ADGRG7: variants seen among roughly 807,000 people sequenced by gnomAD.
ADGRG7 encodes G-protein coupled receptor 128.
Under a neutral mutation model 88.6 loss-of-function variants are expected in ADGRG7, and 82 were observed. The observed-to-expected ratio is 0.93, with a 90% CI of 0.77 to 1.11. The LOEUF (loss-of-function observed/expected upper bound fraction) is 1.11. Ranked by LOEUF, ADGRG7 falls within the 50% of genes most tolerant of loss-of-function variation. The pLI is 0.00. For synonymous variants in ADGRG7, 381 were observed against 345.2 expected (o/e 1.10, Z -1.15); for missense variants, 945 against 953.4 (o/e 0.99, Z 0.12).
chr3:100,692,766 T>C lies in ADGRG7; in HGVS notation c.2137-1978T>C, dbSNP rs182043120. ...AAAATCAACACAGTGTTTTGTAAAA[T>C]GGATCTGAATATTGCTTACATCAGA... On this transcript the variant is annotated intron_variant, in intron 15 of 15. Transcript: ENST00000273352. 3.2e-4 allele frequency among the ~76,000 whole-genome samples: 49 copies of C among 152,238 alleles called. 1 individual carries two copies. Among genetic ancestry groups the C allele is most frequent in the Non-Finnish European group, 5.9e-5 (4 of 68,008 alleles).
chr3:100,668,197 C>T (rs2094954141), intron 14 of ADGRG7, among the ~76,000 whole-genome samples: 1 of 152,216 alleles, frequency 6.6e-6, no homozygotes, highest in African/African-American at 2.4e-5. Flanking sequence ...GTCAATCTTG[C>T]TGGGAGCTGC....
chr3:100,676,909 A>C (rs746727043), intron 15 of ADGRG7, among the ~76,000 whole-genome samples: 2 of 152,006 alleles, frequency 1.3e-5, no homozygotes, highest in East Asian at 3.9e-4. Context: ...TTTTCTAAGT[A>C]GAGCTACTTC....
chr3:100,612,002 A>G (rs1707161243), intron 1 of ADGRG7, among the ~76,000 whole-genome samples: 1 of 152,164 alleles, frequency 6.6e-6, no homozygotes. Flanking sequence ...GGTCACACAT[A>G]TCTCTGAGAA....
chr3:100,645,872 A>T, intron 8 of ADGRG7, 73 bp from the exon 9 acceptor site: 1 of 1,370,676 alleles, frequency 7.3e-7, no homozygotes, highest in Admixed American at 2.1e-5. Flanking sequence ...GCACTTCTAC[A>T]ATAACGTGAC....
intron 15 of ADGRG7, among the ~76,000 whole-genome samples, chr3:100,681,388 G>A (rs1392548592): frequency 6.7e-6 from 1 of 150,002 alleles, no homozygotes; most frequent in East Asian, 2.0e-4. Flanking sequence ...TCAGCTCACT[G>A]CAACCTCCGC....
intron 1 of ADGRG7, among the ~76,000 whole-genome samples, chr3:100,625,347 G>A (rs1256701703): frequency 1.3e-5 from 2 of 152,064 alleles, no homozygotes; most frequent in African/African-American, 2.4e-5. Flanking sequence ...GTCTATTGTT[G>A]GTGTATAGTT....
intron 5 of ADGRG7, 78 bp downstream of exon 5, chr3:100,635,904 G>C: frequency 9.7e-7 from 1 of 1,035,540 alleles, no homozygotes; most frequent in Non-Finnish European, 1.4e-6. Context: ...GAGATGTCCT[G>C]AATACCACTC....
intron 1 of ADGRG7, among the ~76,000 whole-genome samples, chr3:100,628,092 C>G (rs1327100551): frequency 6.6e-6 from 1 of 151,978 alleles, no homozygotes; most frequent in African/African-American, 2.4e-5. Context: ...CTTGCAACCC[C>G]AAAGAGTTTC....
chr3:100,660,169 T>C (rs2094943342), intron 14 of ADGRG7, among the ~76,000 whole-genome samples: 1 of 152,234 alleles, frequency 6.6e-6, no homozygotes, highest in Admixed American at 6.5e-5. Context: ...ATTTGGATAA[T>C]TAAAGAAATG....
intron 15 of ADGRG7, among the ~76,000 whole-genome samples, chr3:100,682,343 A>G (rs2094974606): frequency 6.6e-6 from 1 of 152,148 alleles, no homozygotes; most frequent in Admixed American, 6.5e-5. Flanking sequence ...CCCGAGATGT[A>G]GAGCTGGGGT....
intron 9 of ADGRG7, 25 bp downstream of exon 9, chr3:100,646,133 G>T (rs754144711): frequency 7.3e-7 from 1 of 1,369,338 alleles, no homozygotes; most frequent in Non-Finnish European, 9.6e-7. Flanking sequence ...GCAGATGCAA[G>T]AAAAAAGTGT....
intron 1 of ADGRG7, among the ~76,000 whole-genome samples, chr3:100,629,301 CTATCTAT>C (rs1439808988): frequency 6.6e-5 from 10 of 151,512 alleles, no homozygotes; most frequent in African/African-American, 2.2e-4. Context: ...ATCTATCTAT[CTATCTAT>C]CTACTTACCA....
chr3:100,635,402 G>T, intron 4 of ADGRG7: 1 of 348,528 alleles, frequency 2.9e-6, no homozygotes, highest in Non-Finnish European at 4.9e-6. Context: ...GTGAACCAGC[G>T]CTGGCCCATG....
intron 15 of ADGRG7, among the ~76,000 whole-genome samples, chr3:100,690,898 C>T (rs2094992346): frequency 6.6e-6 from 1 of 152,214 alleles, no homozygotes; most frequent in Admixed American, 6.5e-5. Context: ...TCAAAGCTGT[C>T]AGACAGGGAC....
chr3:100,653,358 G>A (rs1284649739), intron 11 of ADGRG7, among the ~76,000 whole-genome samples: 4 of 152,080 alleles, frequency 2.6e-5, no homozygotes, highest in Non-Finnish European at 5.9e-5. Flanking sequence ...TTAAAAAATT[G>A]TATTTGGCCT....
At chr3:100,624,611 A>G (rs1024478231) in intron 1 of ADGRG7, among the ~76,000 whole-genome samples, 1 of 152,180 alleles carries the variant, frequency 6.6e-6, no homozygotes, top group Non-Finnish European at 1.5e-5. Context: ...GTCTTTGCAC[A>G]TGCCTATGTC....
intron 13 of ADGRG7, among the ~76,000 whole-genome samples, chr3:100,659,001 A>C (rs2094941221): frequency 6.6e-6 from 1 of 152,088 alleles, no homozygotes; most frequent in South Asian, 2.1e-4. Flanking sequence ...CTCACCTCAG[A>C]TGAGAAAAAA....
At chr3:100,662,568 AT>A (rs1559684156) in intron 14 of ADGRG7, among the ~76,000 whole-genome samples, 1 of 152,152 alleles carries the variant, frequency 6.6e-6, no homozygotes, top group South Asian at 2.1e-4. Flanking sequence ...TTTTCTTCAT[AT>A]GTGTTTTTGT....
At position 100,643,565 on chromosome 3, in the gene ADGRG7, A is replaced by G. The variant is rs1425566249; in HGVS notation, c.878A>G (p.His293Arg). ...CTAGTTTCTAGTTCAACATTTATAC[A>G]TACAAATGTGGATGGCCTTAACCCA... The part of the protein sequence containing the change: ...SSLVSSSTFI[H>R]TNVDGLNPDA... Residue 293 changes from histidine to arginine, a missense_variant, in exon 8 of 16, where the codon CAT becomes CGT. By Grantham distance (29) the His-to-Arg change is conservative. Coordinates refer to ENST00000273352, the MANE Select transcript of ADGRG7 (RefSeq NM_032787.3). 2.5e-6 allele frequency: 4 copies of G among 1,613,762 alleles called. No individual in the cohort carries two copies. The highest frequency in any genetic ancestry group is 1.1e-5 in the South Asian group (1 of 91,020).
Sources: allele counts gnomAD v4.1 joint callset (sites outside exome capture counted in the v4.1 genomes callset), GRCh38; gene constraint gnomAD v4.1.1; transcripts MANE v1.5; gene names NCBI Gene and HGNC (gene_info 2026-07-23, HGNC 2026-07-21).